The following LRFN3 variants were observed in gnomAD, a reference collection of about 807,000 sequenced individuals.
LRFN3 encodes leucine-rich repeat and fibronectin type-III domain-containing protein 3.
In LRFN3, 8 loss-of-function variants were observed where a neutral mutation model predicts 23.8. That is an observed-to-expected ratio of 0.34 (90% CI 0.20 to 0.61). The LOEUF is 0.61. LRFN3 is among the 20% of genes least tolerant of loss of function. The pLI, the probability that LRFN3 is intolerant of heterozygous loss-of-function variation, is 0.80. For missense variants in LRFN3, 736 were observed against 935.3 expected (o/e 0.79, Z 2.78); for synonymous variants, 451 against 450.6 (o/e 1.00, Z -0.01).
rs376110830 is a variant in LRFN3, at chr19:35,944,862, C to G, written c.1730C>G (p.Ala577Gly). Residue 577 changes from alanine to glycine, a missense_variant, in exon 3 of 3, where the codon GCG (alanine) becomes GGG (glycine). Ala to Gly is a moderately conservative substitution (Grantham distance 60). Transcript: ENST00000246529. This position sits in a 1 kb window ranked among gnomAD's most constrained non-coding sequence, Gnocchi z 4.5. ...CCCCCCGGCAAGGCCAAGATTCCCG[C>G]GCCTGTTAGCAGCGTTTGCTCCCAG... ...GQPPGKAKIP[A>G]PVSSVCSQTN... The G allele has an allele frequency of 3.1e-6, 5 of 1,600,688 alleles. No individual in the cohort carries two copies. Among genetic ancestry groups the G allele is most frequent in the African/African-American group, 1.3e-5 (1 of 74,810 alleles).
chr19:35,944,118 A>G lies in LRFN3; in HGVS notation c.1416-430A>G, dbSNP rs1976150437. ...GGCCGGAGGATGGCTTGAGTCCAGG[A>G]GTCAGAGGCTGCAGTGAGCTGTGAT... On this transcript the variant is annotated intron_variant, in intron 2 of 2. Transcript: ENST00000246529. This position sits in a 1 kb window ranked among gnomAD's most constrained non-coding sequence, Gnocchi z 4.5. Among the ~76,000 whole-genome samples, 1 of 152,206 alleles carries G rather than the reference A, an allele frequency of 6.6e-6. No homozygotes were observed. The highest frequency in any genetic ancestry group is 1.5e-5 in the Non-Finnish European group (1 of 68,038).
At chr19:35,938,905 C>T (rs1187910467) in intron 1 of LRFN3, among the ~76,000 whole-genome samples, 5 of 152,212 alleles carry the variant, frequency 3.3e-5, no homozygotes, top group Non-Finnish European at 7.3e-5. Context: ...GTCTAAAGCC[C>T]TCTGGTTTTC....
rs940779422 is a variant in LRFN3 at position 35,944,341 on chromosome 19, C to T, written c.1416-207C>T. Among the ~76,000 whole-genome samples, 1 of 152,138 alleles carries T rather than the reference C, an allele frequency of 6.6e-6. No homozygotes were observed. The highest frequency in any genetic ancestry group is 1.5e-5 in the Non-Finnish European group (1 of 68,020). ...GAGGGTGGGCTAGAGTGAAATTGGC[C>T]AACAGACTGGAGGGGTATCAGTCAG... On this transcript the variant is annotated intron_variant, in intron 2 of 2. Transcript: ENST00000246529. The surrounding 1 kb of genome is among the most constrained non-coding windows in gnomAD (Gnocchi z 4.5).
Position 35,940,701 on chromosome 19 carries a change from C to T in LRFN3, c.1276C>T (p.Pro426Ser). ...TGCCAAGGTGGCCGACACTGGGCCC[C>T]CTACCGACCGTGGCGTCCAGGTGAC... ...ASAKVADTGPPTDRGVQVTEH... is the reference protein window; with the variant it reads ...ASAKVADTGPSTDRGVQVTEH... Residue 426 changes from proline to serine, a missense_variant, in exon 2 of 3, where the codon CCT (proline) becomes TCT (serine). Transcript: ENST00000246529. 3.7e-6 allele frequency: 6 copies of T among 1,613,476 alleles called. No homozygotes were observed. Among genetic ancestry groups the T allele is most frequent in the Non-Finnish European group, 5.1e-6 (6 of 1,179,958 alleles).
In LRFN3 at chr19:35,944,668, T is replaced by G; in HGVS notation, c.1536T>G (p.Pro512=). The change falls in exon 3 of 3, where the codon CCT becomes CCG. Residue 512 remains proline, a synonymous_variant. Transcript: ENST00000246529. This position sits in a 1 kb window ranked among gnomAD's most constrained non-coding sequence, Gnocchi z 4.5. ...DSATGLTATR[P]VGCARFSTEP... ...CCACGGGGCTCACGGCCACGCGGCC[T>G]GTGGGCTGCGCCCGCTTCTCCACCG... is the stretch of plus-strand genomic sequence containing the variant. 1 of 1,598,608 alleles carries G rather than the reference T, an allele frequency of 6.3e-7. No individual in the cohort carries two copies. Among genetic ancestry groups the G allele is most frequent in the Non-Finnish European group, 8.5e-7 (1 of 1,175,454 alleles).
rs574445584 is a variant in LRFN3 at position 35,938,748 on chromosome 19, A to G, written c.-16-662A>G. ...TCTCCCCCAGATCTGAGCCCAACCC[A>G]TGCCCTCCCTTCTCTTTGTCCACTG... is the stretch of plus-strand genomic sequence containing the variant. On this transcript the variant is annotated intron_variant, in intron 1 of 2. Coordinates refer to ENST00000246529, the MANE Select transcript of LRFN3 (RefSeq NM_024509.2). Among the ~76,000 whole-genome samples, 18 of 151,980 alleles carry G rather than the reference A, an allele frequency of 1.2e-4. No individual in the cohort carries two copies. In the South Asian group the frequency reaches 3.7e-3, roughly 32 times the overall value.
rs1477863802 is a variant in LRFN3, at chr19:35,940,242, G to A, written c.817G>A (p.Ala273Thr). The A allele has an allele frequency of 2.5e-6, 4 of 1,606,602 alleles. No homozygotes were observed. Among genetic ancestry groups the A allele is most frequent in the Non-Finnish European group, 2.5e-6 (3 of 1,179,284 alleles). Residue 273 changes from alanine to threonine, a missense_variant, in exon 2 of 3, where the codon GCG becomes ACG. Physicochemically the swap from Ala to Thr is moderately conservative, Grantham distance 58 (BLOSUM62 0). Coordinates refer to ENST00000246529, the MANE Select transcript of LRFN3 (RefSeq NM_024509.2). ...LAREDDLEAC[A>T]SPPALGGRYF... ...GCGGGAGGACGACCTCGAGGCCTGC[G>A]CGTCCCCACCTGCTCTGGGCGGCCG...
In LRFN3 at chr19:35,945,256, G is replaced by A; in HGVS notation, c.*237G>A. 2.5e-6 allele frequency: 1 copy of A among 396,782 alleles called. No homozygotes were observed. The highest frequency in any genetic ancestry group is 4.4e-6 in the Non-Finnish European group (1 of 225,154). The allele number at this position is 396,782 out of a possible 1,614,324, so 24.6% of individuals were successfully genotyped here. ...GGACGGAGCAGGGGTCTGGAGCTGGGGAATGCCTCCTTTGGGGAGACACCC... is the reference window on the plus strand; with the variant it reads ...GGACGGAGCAGGGGTCTGGAGCTGGAGAATGCCTCCTTTGGGGAGACACCC... On this transcript the variant is annotated 3_prime_UTR_variant, in exon 3 of 3. Transcript: ENST00000246529.
rs181878134 is a variant in LRFN3 at position 35,946,417 on chromosome 19, G to A, written c.*1398G>A. 9.9e-5 allele frequency among the ~76,000 whole-genome samples: 15 copies of A among 150,808 alleles called. No homozygotes were observed. The highest frequency in any genetic ancestry group is 8.3e-4 in the South Asian group (4 of 4,796). ...CAAACTGGCCTCAAGTGATCCTCCC[G>A]TCTCAGCCTCCTGAATTGCTGGGAT... On this transcript the variant is annotated 3_prime_UTR_variant, in exon 3 of 3. Coordinates refer to ENST00000246529, the MANE Select transcript of LRFN3 (RefSeq NM_024509.2).
intron 2 of LRFN3, among the ~76,000 whole-genome samples, chr19:35,941,571 A>G (rs1205757954): frequency 4.6e-5 from 7 of 151,770 alleles, no homozygotes; most frequent in African/African-American, 1.5e-4. Context: ...AGTGACATCC[A>G]GATTTTTTTT....
At position 35,944,864 on chromosome 19, in the gene LRFN3, C is replaced by G; in HGVS notation, c.1732C>G (p.Pro578Ala). 6.2e-7 allele frequency: 1 copy of G among 1,600,560 alleles called. No homozygotes were observed. Among genetic ancestry groups the G allele is most frequent in the Non-Finnish European group, 8.5e-7 (1 of 1,178,840 alleles). ...QPPGKAKIPA[P>A]VSSVCSQTNG... ...CCCCGGCAAGGCCAAGATTCCCGCG[C>G]CTGTTAGCAGCGTTTGCTCCCAGAC... Residue 578 changes from proline (P) to alanine (A), a missense_variant, in exon 3 of 3, where the codon CCT becomes GCT. Physicochemically the swap from Pro to Ala is conservative, Grantham distance 27. Around this residue, in one of 2 missense-constraint regions of LRFN3, gnomAD observed 290 missense variants for 287.4 expected, o/e 1.01. Transcript: ENST00000246529. The surrounding 1 kb of genome is among the most constrained non-coding windows in gnomAD (Gnocchi z 4.5).
intron 2 of LRFN3, among the ~76,000 whole-genome samples, chr19:35,941,874 T>C (rs1404411815): frequency 6.7e-6 from 1 of 148,826 alleles, no homozygotes; most frequent in Non-Finnish European, 1.5e-5. Flanking sequence ...ACACCCAGTG[T>C]AGATTTTTTC....
Position 35,944,429 on chromosome 19 carries a change from T to G in LRFN3, c.1416-119T>G. 1 of 611,622 alleles carries G rather than the reference T, an allele frequency of 1.6e-6. No individual in the cohort carries two copies. Among genetic ancestry groups the G allele is most frequent in the Non-Finnish European group, 2.6e-6 (1 of 389,500 alleles). The allele number at this position is 611,622 out of a possible 1,614,324, so 37.9% of individuals were successfully genotyped here. ...TGTTGGTGAGAGGGAGCTCATTGGG[T>G]AGAATGAAATGAAGGAGTGGACTGG... is the stretch of plus-strand genomic sequence containing the variant. On this transcript the variant is annotated intron_variant, in intron 2 of 2. Transcript: ENST00000246529. The surrounding 1 kb of genome is among the most constrained non-coding windows in gnomAD (Gnocchi z 4.5).
rs1178885723 is a variant in LRFN3, at chr19:35,944,828, G to A, written c.1696G>A (p.Gly566Ser). The A allele has an allele frequency of 1.2e-6, 2 of 1,607,928 alleles. No individual in the cohort carries two copies. The highest frequency in any genetic ancestry group is 3.3e-5 in the Admixed American group (2 of 59,940). The change falls in exon 3 of 3, where the codon GGC becomes AGC. Residue 566 changes from glycine (G) to serine (S), a missense_variant. By Grantham distance (56) the Gly-to-Ser change is moderately conservative. This residue lies in a region of LRFN3 where 290 missense variants were observed against 287.4 expected (regional missense o/e 1.01). Coordinates refer to ENST00000246529, the MANE Select transcript of LRFN3 (RefSeq NM_024509.2). This position sits in a 1 kb window ranked among gnomAD's most constrained non-coding sequence, Gnocchi z 4.5. ...GCTGCTAATGCGCTACAAGGTGCAC[G>A]GCGGCCAGCCCCCCGGCAAGGCCAA... is the stretch of plus-strand genomic sequence containing the variant. Reference protein sequence around the residue: ...FVLLMRYKVHGGQPPGKAKIP... With the variant: ...FVLLMRYKVHSGQPPGKAKIP...
chr19:35,942,916 C>G (rs148409119), intron 2 of LRFN3, among the ~76,000 whole-genome samples: 3,670 of 152,044 alleles, frequency 0.024, 57 homozygotes, highest in East Asian at 0.065. Context: ...GTAGTCCCAG[C>G]TACTCAGGAG....
Position 35,939,598 on chromosome 19 carries a change from A to T in LRFN3, c.173A>T (p.Asp58Val). The change falls in exon 2 of 3, where the codon GAC becomes GTC. Residue 58 changes from aspartate to valine, a missense_variant. Transcript: ENST00000246529. This position sits in a 1 kb window ranked among gnomAD's most constrained non-coding sequence, Gnocchi z 6.4. ...AGLLFVPPSL[D>V]RRAAELRLAD... ...CTCCTGTTCGTGCCACCCTCGCTGGACCGCCGGGCAGCCGAGCTGCGGCTG... is the reference window on the plus strand; with the variant it reads ...CTCCTGTTCGTGCCACCCTCGCTGGTCCGCCGGGCAGCCGAGCTGCGGCTG... The T allele has an allele frequency of 6.2e-7, 1 of 1,608,822 alleles. No individual in the cohort carries two copies. The highest frequency in any genetic ancestry group is 8.5e-7 in the Non-Finnish European group (1 of 1,179,432).
At position 35,945,028 on chromosome 19, in the gene LRFN3, C is replaced by G. The variant is rs1278078816; in HGVS notation, c.*9C>G. On this transcript the variant is annotated 3_prime_UTR_variant, in exon 3 of 3. Transcript: ENST00000246529. ...AACCTGTGGGACCCTAGCCAGGCGC[C>G]CCCCCCTCTAAGGGTCCTCTGGCCC... is the stretch of plus-strand genomic sequence containing the variant. 4.5e-6 allele frequency: 6 copies of G among 1,338,138 alleles called. No homozygotes were observed. 82.9% of individuals were successfully genotyped at this position (1,338,138 alleles called of 1,614,324 possible).
Position 35,945,393 on chromosome 19 carries a change from T to A in LRFN3, c.*374T>A, listed in dbSNP as rs1361085720. 1 of 185,868 alleles carries A rather than the reference T, an allele frequency of 5.4e-6. No homozygotes were observed. Among genetic ancestry groups the A allele is most frequent in the African/African-American group, 2.4e-5 (1 of 42,450 alleles). 11.5% of individuals were successfully genotyped at this position (185,868 alleles called of 1,614,324 possible). A position where few individuals can be genotyped will look rare whatever the true frequency, so the allele number is the denominator to read the frequency against. On this transcript the variant is annotated 3_prime_UTR_variant, in exon 3 of 3. Transcript: ENST00000246529. ...TCTGAGCATGCCCTGGGTTGGGGGA[T>A]GCTGTGGTGATCCAGATAGCCCTGA...
rs1219393861 is a variant in LRFN3, at chr19:35,945,044, CCTCTGGCCCCACGGACAGCAGGA to C, written c.*27_*49del. The stretch of plus-strand genomic sequence containing the variant: ...GCCAGGCGCCCCCCCCTCTAAGGGT[CCTCTGGCCCCACGGACAGCAGGA>C]CCCGGACACCCTGTGGGACCTGGCC... On this transcript the variant is annotated 3_prime_UTR_variant, in exon 3 of 3. Coordinates refer to ENST00000246529, the MANE Select transcript of LRFN3 (RefSeq NM_024509.2). The C allele has an allele frequency of 7.7e-7, 1 of 1,296,966 alleles. No individual in the cohort carries two copies. Among genetic ancestry groups the C allele is most frequent in the Admixed American group, 3.9e-5 (1 of 25,828 alleles). 80.3% of individuals were successfully genotyped at this position (1,296,966 alleles called of 1,614,324 possible). A position where few individuals can be genotyped will look rare whatever the true frequency, so the allele number is the denominator to read the frequency against.
Sources: gnomAD v4.1 joint callset for allele counts (sites outside exome capture counted in the v4.1 genomes callset) on GRCh38, gnomAD v4.1.1 for gene constraint, gnomAD v4.1.1 regional missense constraint, Gnocchi (gnomAD v3.1) non-coding constraint, MANE v1.5 for transcripts, NCBI Gene and HGNC (gene_info 2026-07-23, HGNC 2026-07-21) for gene names.